Variants in AXL observed in about 807,000 individuals in gnomAD.
The protein encoded by AXL is tyrosine-protein kinase receptor UFO.
In AXL, 52 loss-of-function variants were observed where a neutral mutation model predicts 104.5. That is an observed-to-expected ratio of 0.50 (90% CI 0.40 to 0.63). The LOEUF (loss-of-function observed/expected upper bound fraction) is 0.63. AXL is among the 20% of genes least tolerant of loss of function. The pLI, the probability that AXL is intolerant of heterozygous loss-of-function variation, is 0.00. For synonymous variants in AXL, 455 were observed against 473.7 expected (o/e 0.96, Z 0.51); for missense variants, 1,024 against 1,188.5 (o/e 0.86, Z 2.04).
chr19:41,243,721 A>G lies in AXL; in HGVS notation c.1537+14A>G, dbSNP rs753934356. ...CTGAAGCTACCTGTAAGTGAACCCT[A>G]TGCCCCACTGCCCTGGCCTGGATCT... On this transcript the variant is annotated intron_variant, in intron 12 of 19. Transcript: ENST00000301178. The G allele has an allele frequency of 3.7e-6, 6 of 1,607,604 alleles. No individual in the cohort carries two copies. Among genetic ancestry groups the G allele is most frequent in the Non-Finnish European group, 5.1e-6 (6 of 1,174,114 alleles).
At chr19:41,224,631 G>A (rs538534081) in intron 4 of AXL, among the ~76,000 whole-genome samples, 8 of 152,174 alleles carry the variant, frequency 5.3e-5, no homozygotes, top group Non-Finnish European at 7.4e-5. Flanking sequence ...TGATCCTCCC[G>A]CCTCGGCCTC....
chr19:41,248,512 A>G lies in AXL; in HGVS notation c.1538-2A>G. On this transcript the variant is annotated splice_acceptor_variant, in intron 12 of 19. Transcript: ENST00000301178. LOFTEE classifies it high-confidence loss of function. Reference sequence around the variant, plus strand: ...CTCTGTCCACCCCAACCTTGCATGCAGTGAACAGCCTGGGCATCAGTGAAG... The same window carrying G: ...CTCTGTCCACCCCAACCTTGCATGCGGTGAACAGCCTGGGCATCAGTGAAG... 6.2e-7 allele frequency: 1 copy of G among 1,614,212 alleles called. No homozygotes were observed. Among genetic ancestry groups the G allele is most frequent in the Non-Finnish European group, 8.5e-7 (1 of 1,180,014 alleles).
At chr19:41,221,047 G>T (rs2033781889) in intron 2 of AXL, 99 bp from the exon 3 acceptor site, 1 of 1,263,258 alleles carries the variant, frequency 7.9e-7, no homozygotes, top group Admixed American at 2.3e-5. Flanking sequence ...TGGTTGTCAT[G>T]AGCTTCCAGA....
intron 4 of AXL, among the ~76,000 whole-genome samples, chr19:41,226,598 G>A (rs983689231): frequency 5.9e-5 from 9 of 152,240 alleles, no homozygotes; most frequent in African/African-American, 2.2e-4. Context: ...CGGATGGAGA[G>A]CCTCCCTTGC....
chr19:41,255,222 G>A (rs1200845463), intron 17 of AXL, among the ~76,000 whole-genome samples: 1 of 152,178 alleles, frequency 6.6e-6, no homozygotes, highest in African/African-American at 2.4e-5. Context: ...CTGTGTAGGG[G>A]TAGTTTGCTC....
intron 14 of AXL, among the ~76,000 whole-genome samples, chr19:41,249,750 C>G (rs1258730226): frequency 1.3e-5 from 2 of 150,926 alleles, no homozygotes; most frequent in Non-Finnish European, 3.0e-5. Flanking sequence ...AGCAAGACTC[C>G]GTCTGAAAAA....
chr19:41,232,591 C>A (rs1190281833), intron 6 of AXL, among the ~76,000 whole-genome samples: 1 of 151,286 alleles, frequency 6.6e-6, no homozygotes, highest in East Asian at 1.9e-4. Context: ...CCATTGCACT[C>A]CAGCTTGGGT....
Position 41,220,750 on chromosome 19 carries a change from T to C in AXL, c.200T>C (p.Val67Ala). The change falls in exon 2 of 20, where the codon GTA becomes GCA. Residue 67 changes from valine (V) to alanine (A), a missense_variant. Physicochemically the swap from Val to Ala is moderately conservative, Grantham distance 64. This residue lies in a region of AXL where 124 missense variants were observed against 115.5 expected (regional missense o/e 1.07). Coordinates refer to ENST00000301178, the MANE Select transcript of AXL (RefSeq NM_021913.5). ...QLQVQGEPPEVHWLRDGQILE... is the reference protein window; with the variant it reads ...QLQVQGEPPEAHWLRDGQILE... ...CAGGTTCAGGGAGAGCCCCCCGAGG[T>C]ACATTGGCTTCGGGATGGACAGATC... is the stretch of plus-strand genomic sequence containing the variant. The C allele has an allele frequency of 1.4e-5, 23 of 1,614,036 alleles. No individual in the cohort carries two copies. The highest frequency in any genetic ancestry group is 1.9e-5 in the Non-Finnish European group (23 of 1,179,968).
intron 6 of AXL, among the ~76,000 whole-genome samples, chr19:41,231,791 G>T (rs2033993334): frequency 6.6e-6 from 1 of 151,910 alleles, no homozygotes; most frequent in Non-Finnish European, 1.5e-5. Context: ...ACTGGGCCTG[G>T]TGGGACGCAC....
At chr19:41,219,885 G>C (rs1709121) in intron 1 of AXL, among the ~76,000 whole-genome samples, 79,496 of 151,164 alleles carry the variant, frequency 0.53, 21,261 homozygotes, top group South Asian at 0.61. Flanking sequence ...GGGGGAAAAC[G>C]CTTCTCCCTG....
chr19:41,248,677 C>G, intron 13 of AXL, 66 bp from the exon 14 acceptor site: 1 of 1,611,462 alleles, frequency 6.2e-7, no homozygotes, highest in Non-Finnish European at 8.5e-7. Flanking sequence ...ACACTCCCAC[C>G]CAACTATAGG....
rs572187607 is a variant in AXL at position 41,260,774 on chromosome 19, G to A, written c.*870G>A. 1 of 152,262 alleles carries A rather than the reference G, an allele frequency of 6.6e-6. No homozygotes were observed. The highest frequency in any genetic ancestry group is 2.4e-5 in the African/African-American group (1 of 41,556). 9.4% of individuals were successfully genotyped at this position (152,262 alleles called of 1,614,324 possible). A position where few individuals can be genotyped will look rare whatever the true frequency, so the allele number is the denominator to read the frequency against. ...GATGTTTATTCTTCTAGAGTTCAGA[G>A]TCCTTAAAATGTAAGATTATAGATT... On this transcript the variant is annotated 3_prime_UTR_variant, in exon 20 of 20. Coordinates refer to ENST00000301178, the MANE Select transcript of AXL (RefSeq NM_021913.5).
chr19:41,232,480 G>A (rs1328144379), intron 6 of AXL, among the ~76,000 whole-genome samples: 10 of 151,950 alleles, frequency 6.6e-5, no homozygotes, highest in African/African-American at 1.5e-4. Context: ...AAAATTAGCC[G>A]GGTGTGGTGG....
chr19:41,242,879 A>C lies in AXL; in HGVS notation c.1313-4A>C, dbSNP rs1289191684. On this transcript the variant is annotated splice_region_variant and splice_polypyrimidine_tract_variant and intron_variant, in intron 10 of 19. Coordinates refer to ENST00000301178, the MANE Select transcript of AXL (RefSeq NM_021913.5). ...CATGACCTGTTCCTCATACCCCCTG[A>C]TAGTGAAGGAACCTTCAACTCCTGC... 6.2e-7 allele frequency: 1 copy of C among 1,614,014 alleles called. No homozygotes were observed. The highest frequency in any genetic ancestry group is 1.3e-5 in the African/African-American group (1 of 74,932).
At chr19:41,237,920 C>T (rs1287098574) in intron 6 of AXL, 24 bp from the exon 7 acceptor site, 2 of 1,606,440 alleles carry the variant, frequency 1.2e-6, no homozygotes, top group African/African-American at 1.3e-5. Flanking sequence ...GCTGTCCCGT[C>T]CTCACACCCT....
intron 6 of AXL, among the ~76,000 whole-genome samples, chr19:41,231,560 T>G (rs535742910): frequency 6.6e-6 from 1 of 152,184 alleles, no homozygotes; most frequent in Non-Finnish European, 1.5e-5. Flanking sequence ...CTACCTGGTA[T>G]GCTTAGTGTG....
chr19:41,255,368 TTC>T (rs35063299), intron 17 of AXL, among the ~76,000 whole-genome samples: 2 of 149,188 alleles, frequency 1.3e-5, no homozygotes, highest in South Asian at 2.1e-4. Flanking sequence ...TTCTTTCTCT[TTC>T]TCTCTCTTTA....
chr19:41,243,567 G>T (rs1568414933), intron 11 of AXL, 49 bp from the exon 12 acceptor site: 1 of 1,405,618 alleles, frequency 7.1e-7, no homozygotes. Flanking sequence ...TTGAGTAGGG[G>T]GTTCCACATG....
chr19:41,231,378 A>G lies in AXL; in HGVS notation c.783+80A>G, dbSNP rs1599729632. On this transcript the variant is annotated intron_variant, in intron 6 of 19. Coordinates refer to ENST00000301178, the MANE Select transcript of AXL (RefSeq NM_021913.5). The stretch of plus-strand genomic sequence containing the variant: ...CACAACCCCCATCCTCTCCCTGGGA[A>G]CCCACCACTTCTCGGCCACTGTTGA... 3 of 1,302,096 alleles carry G rather than the reference A, an allele frequency of 2.3e-6. No individual in the cohort carries two copies. The South Asian group carries it at 4.1e-5, about 18-fold the overall frequency. The allele number at this position is 1,302,096 out of a possible 1,614,324, so 80.7% of individuals were successfully genotyped here.
Sources: gnomAD v4.1 joint callset for allele counts (sites outside exome capture counted in the v4.1 genomes callset) on GRCh38, gnomAD v4.1.1 for gene constraint, gnomAD v4.1.1 regional missense constraint, MANE v1.5 for transcripts, NCBI Gene and HGNC (gene_info 2026-07-23, HGNC 2026-07-21) for gene names.